The following SLC71A2 variants were observed in gnomAD, a reference collection of about 807,000 sequenced individuals.
SLC71A2 encodes the protein hippocampus abundant transcript-like 1.
chr9:94,457,163 G>A, the SLC71A2 span, among the ~76,000 whole-genome samples: 4 of 151,862 alleles, frequency 2.6e-5, no homozygotes, highest in African/African-American at 4.8e-5. Flanking sequence ...ATGGGGTTTC[G>A]CCATGTTGCC....
chr9:94,375,650 A>G, the SLC71A2 span, among the ~76,000 whole-genome samples: 17 of 152,146 alleles, frequency 1.1e-4, no homozygotes, highest in African/African-American at 4.1e-4. Context: ...TAGGACCTGA[A>G]ATATAGAGAA....
At chr9:94,411,647 A>G in the SLC71A2 span, among the ~76,000 whole-genome samples, 1 of 151,048 alleles carries the variant, frequency 6.6e-6, no homozygotes, top group Admixed American at 6.6e-5. Context: ...CTGGAGTGCA[A>G]TGGCGTGATC....
At chr9:94,426,287 A>G in the SLC71A2 span, among the ~76,000 whole-genome samples, 1 of 151,990 alleles carries the variant, frequency 6.6e-6, no homozygotes, top group African/African-American at 2.4e-5. Context: ...CTGGTGCCAT[A>G]TCTGTAGGTC....
At chr9:94,413,659 C>CA in the SLC71A2 span, among the ~76,000 whole-genome samples, 36,493 of 101,838 alleles carry the variant, frequency 0.36, 7,113 homozygotes, top group East Asian at 0.61. Context: ...GACTTCATCT[C>CA]AAAAAAAAAA....
chr9:94,406,910 T>C, the SLC71A2 span, among the ~76,000 whole-genome samples: 4 of 152,356 alleles, frequency 2.6e-5, no homozygotes, highest in South Asian at 8.3e-4. Context: ...TCTTGCCGTA[T>C]TACTCTGGCT....
the SLC71A2 span, among the ~76,000 whole-genome samples, chr9:94,403,046 C>CTAT: frequency 1.3e-5 from 2 of 152,202 alleles, no homozygotes; most frequent in Admixed American, 1.3e-4. Context: ...CTGGTAGTCA[C>CTAT]TATTCTACTT....
At chr9:94,406,108 C>T in the SLC71A2 span, among the ~76,000 whole-genome samples, 3 of 101,112 alleles carry the variant, frequency 3.0e-5, no homozygotes, top group Admixed American at 1.6e-4. Context: ...GTCACTCTTG[C>T]CCAGGCTGGA....
At chr9:94,403,559 T>C in the SLC71A2 span, among the ~76,000 whole-genome samples, 1 of 152,022 alleles carries the variant, frequency 6.6e-6, no homozygotes, top group Non-Finnish European at 1.5e-5. Flanking sequence ...CCATATTTTG[T>C]TTAAACATTC....
At chr9:94,394,586 C>T in the SLC71A2 span, among the ~76,000 whole-genome samples, 122 of 62,914 alleles carry the variant, frequency 1.9e-3, 1 homozygote, top group African/African-American at 4.9e-3. Context: ...TAGCTGGGAC[C>T]ACAGGCATGT....
the SLC71A2 span, among the ~76,000 whole-genome samples, chr9:94,449,562 G>GAA: frequency 6.6e-6 from 1 of 152,188 alleles, no homozygotes; most frequent in East Asian, 1.9e-4. Flanking sequence ...CATGTTCTAG[G>GAA]ATGGCTATCA....
At chr9:94,424,917 TTA>T in the SLC71A2 span, among the ~76,000 whole-genome samples, 1 of 111,052 alleles carries the variant, frequency 9.0e-6, no homozygotes, top group African/African-American at 2.7e-5. Flanking sequence ...TTTTTTTTTT[TTA>T]AATAATAAAT....
the SLC71A2 span, among the ~76,000 whole-genome samples, chr9:94,388,613 T>G: frequency 6.6e-6 from 1 of 152,102 alleles, no homozygotes; most frequent in Non-Finnish European, 1.5e-5. Flanking sequence ...GGTGAATTTA[T>G]TTTTATGTAA....
At chr9:94,385,569 G>T in the SLC71A2 span, among the ~76,000 whole-genome samples, 1 of 151,538 alleles carries the variant, frequency 6.6e-6, no homozygotes, top group Non-Finnish European at 1.5e-5. Context: ...TAGGGGTCCA[G>T]CTTTACTCTT....
chr9:94,387,029 A>C, the SLC71A2 span, among the ~76,000 whole-genome samples: 3 of 152,184 alleles, frequency 2.0e-5, no homozygotes, highest in Admixed American at 2.0e-4. Flanking sequence ...TTTCAATATG[A>C]ATATTACTAT....
chr9:94,441,385 G>T, the SLC71A2 span, among the ~76,000 whole-genome samples: 1 of 152,138 alleles, frequency 6.6e-6, no homozygotes, highest in African/African-American at 2.4e-5. Context: ...AGGAGGAAGA[G>T]AGAGTGAAGG....
At chr9:94,457,908 A>G in the SLC71A2 span, among the ~76,000 whole-genome samples, 5 of 148,506 alleles carry the variant, frequency 3.4e-5, no homozygotes, top group African/African-American at 1.2e-4. Flanking sequence ...CTCTAGGGAG[A>G]TAGGCTGGAA....
chr9:94,415,337 G>A, the SLC71A2 span: 7 of 932,158 alleles, frequency 7.5e-6, no homozygotes, highest in Middle Eastern at 2.1e-4. Flanking sequence ...GTCTAGATAC[G>A]TGTTTGGGAG....
chr9:94,455,334 A>G, the SLC71A2 span, among the ~76,000 whole-genome samples: 2 of 135,326 alleles, frequency 1.5e-5, no homozygotes, highest in Non-Finnish European at 3.2e-5. Flanking sequence ...ACGCCTGGCT[A>G]ATATTTTGAT....
At chr9:94,447,941 A>G in the SLC71A2 span, among the ~76,000 whole-genome samples, 2 of 152,088 alleles carry the variant, frequency 1.3e-5, no homozygotes, top group Non-Finnish European at 2.9e-5. Flanking sequence ...CTTTCAATTA[A>G]TAATATGCAT....
Sources: allele counts gnomAD v4.1 joint callset (sites outside exome capture counted in the v4.1 genomes callset), GRCh38; gene constraint gnomAD v4.1.1; transcripts MANE v1.5; gene names NCBI Gene and HGNC (gene_info 2026-07-23, HGNC 2026-07-21).